The following SDK2 variants were observed in gnomAD, a reference collection of about 807,000 sequenced individuals.
SDK2 encodes the protein sidekick cell adhesion molecule 2.
SDK2 carries 105 observed loss-of-function variants against 253.9 expected under a neutral mutation model. That is an observed-to-expected ratio of 0.41 (90% CI 0.35 to 0.49). SDK2 has a LOEUF of 0.49. Among genes scored for constraint, SDK2 ranks in the 20% least tolerant of loss-of-function variants. The pLI is 0.06. For synonymous variants in SDK2, 1,249 were observed against 1,234.9 expected, an observed-to-expected ratio of 1.01 and a Z score of -0.24; for missense variants, 2,608 against 3,003.0, an observed-to-expected ratio of 0.87 and a Z score of 3.07.
chr17:73,635,462 T>C (rs911199693), intron 1 of SDK2, among the ~76,000 whole-genome samples: 1 of 152,140 alleles, frequency 6.6e-6, no homozygotes, highest in African/African-American at 2.4e-5. Flanking sequence ...TTTTGACCTT[T>C]ACTCAGATTC....
At chr17:73,391,071 T>A (rs139096349) in intron 28 of SDK2, among the ~76,000 whole-genome samples, 1 of 152,312 alleles carries the variant, frequency 6.6e-6, no homozygotes, top group Non-Finnish European at 1.5e-5. Flanking sequence ...ATCTGTAGCC[T>A]CCCTCCTGTG....
At chr17:73,357,218 T>C (rs1000593892) in intron 40 of SDK2, among the ~76,000 whole-genome samples, 1 of 152,254 alleles carries the variant, frequency 6.6e-6, no homozygotes, top group African/African-American at 2.4e-5. Context: ...CTCTCTGCTA[T>C]TGGGATGATT....
chr17:73,366,023 G>A (rs2062681951), intron 37 of SDK2, among the ~76,000 whole-genome samples: 1 of 152,184 alleles, frequency 6.6e-6, no homozygotes, highest in South Asian at 2.1e-4. Flanking sequence ...CCCTGATGGG[G>A]AGGACAGAGG....
Position 73,616,392 on chromosome 17 carries a change from A to AC in SDK2, c.64+27632dup, listed in dbSNP as rs752895502. 6.6e-6 allele frequency among the ~76,000 whole-genome samples: 1 copy of AC among 152,242 alleles called. No homozygotes were observed. ...ATGCAGGCTCAGGAAGGAGAAAAAA[A>AC]CAAGAGGGAAAGAGGCAAGCAACGG... is the stretch of plus-strand genomic sequence containing the variant. On this transcript the variant is annotated intron_variant, in intron 1 of 44. Transcript: ENST00000392650. The surrounding 1 kb of genome is among the most constrained non-coding windows in gnomAD (Gnocchi z 5.2).
At chr17:73,404,986 C>G (rs1262615323) in intron 18 of SDK2, among the ~76,000 whole-genome samples, 2 of 151,690 alleles carry the variant, frequency 1.3e-5, no homozygotes, top group African/African-American at 4.8e-5. Context: ...CGGAAAGTCA[C>G]TTGACCACTC....
At chr17:73,425,359 C>T (rs1169467577) in intron 12 of SDK2, among the ~76,000 whole-genome samples, 1 of 152,210 alleles carries the variant, frequency 6.6e-6, no homozygotes, top group African/African-American at 2.4e-5. Context: ...CCACGATTAA[C>T]ATTTGAATGT....
At chr17:73,621,292 T>C (rs998507784) in intron 1 of SDK2, among the ~76,000 whole-genome samples, 7 of 152,226 alleles carry the variant, frequency 4.6e-5, no homozygotes, top group Non-Finnish European at 1.0e-4. Context: ...TTGAATCAAT[T>C]AAGTTAGTTC....
intron 3 of SDK2, among the ~76,000 whole-genome samples, chr17:73,470,858 C>T (rs943988895): frequency 2.0e-5 from 3 of 152,312 alleles, no homozygotes; most frequent in East Asian, 1.9e-4. Context: ...CACAGTACAA[C>T]GTGGGACTTC....
chr17:73,465,344 T>C lies in SDK2; in HGVS notation c.331+6768A>G, dbSNP rs569715794. Among the ~76,000 whole-genome samples, 1 of 151,750 alleles carries C rather than the reference T, an allele frequency of 6.6e-6. No homozygotes were observed. Among genetic ancestry groups the C allele is most frequent in the South Asian group, 2.1e-4 (1 of 4,796 alleles). ...GTGGGTTTGGTGCTGGAGTGGATGGTTTCAAGTCTGAGTCCCACAGATGAG... is the reference window on the plus strand; with the variant it reads ...GTGGGTTTGGTGCTGGAGTGGATGGCTTCAAGTCTGAGTCCCACAGATGAG... On this transcript the variant is annotated intron_variant, in intron 3 of 44. Coordinates refer to ENST00000392650, the MANE Select transcript of SDK2 (RefSeq NM_001144952.2). The surrounding 1 kb of genome is among the most constrained non-coding windows in gnomAD (Gnocchi z 4.2).
chr17:73,449,602 CTTTT>C (rs33923010), intron 4 of SDK2, among the ~76,000 whole-genome samples: 2,057 of 94,358 alleles, frequency 0.022, 20 homozygotes, highest in Middle Eastern at 0.055. Flanking sequence ...CCCCCCACCT[CTTTT>C]TTTTTTTTTT....
At chr17:73,355,331 C>T (rs763226745) in intron 40 of SDK2, among the ~76,000 whole-genome samples, 1 of 149,972 alleles carries the variant, frequency 6.7e-6, no homozygotes, top group African/African-American at 2.5e-5. Flanking sequence ...GCACCCGCCA[C>T]CACGCCCGGC....
At chr17:73,436,392 C>A (rs2063369009) in intron 8 of SDK2, among the ~76,000 whole-genome samples, 1 of 152,046 alleles carries the variant, frequency 6.6e-6, no homozygotes, top group African/African-American at 2.4e-5. Flanking sequence ...ACCTGACCAA[C>A]ATGGTGAAAC....
At chr17:73,554,023 G>GGA (rs1333353509) in intron 1 of SDK2, among the ~76,000 whole-genome samples, 1 of 152,122 alleles carries the variant, frequency 6.6e-6, no homozygotes, top group Non-Finnish European at 1.5e-5. Context: ...AGGCTCACAG[G>GGA]GAGAGGGGTT....
chr17:73,617,271 A>G (rs1295096706), intron 1 of SDK2, among the ~76,000 whole-genome samples: 1 of 65,224 alleles, frequency 1.5e-5, no homozygotes, highest in Non-Finnish European at 3.2e-5. Flanking sequence ...GGGAGGTGAG[A>G]GGGCTCCAGG....
rs181838472 is a variant in SDK2 at position 73,353,794 on chromosome 17, C to G, written c.5594-1157G>C. Reference sequence around the variant, plus strand: ...TCTCAGCTTACCACAACCTCCGCCTCCCAGGTTCAAGCTATTTTCCTACCT... The same window carrying G: ...TCTCAGCTTACCACAACCTCCGCCTGCCAGGTTCAAGCTATTTTCCTACCT... On this transcript the variant is annotated intron_variant, in intron 40 of 44. Transcript: ENST00000392650. Among the ~76,000 whole-genome samples the G allele has an allele frequency of 4.0e-5, 6 of 150,588 alleles. No individual in the cohort carries two copies. The East Asian group carries it at 1.2e-3, about 30-fold the overall frequency.
Position 73,338,793 on chromosome 17 carries a change from T to G in SDK2, c.6313A>C (p.Ser2105Arg), listed in dbSNP as rs780077660. 6 of 1,613,832 alleles carry G rather than the reference T, an allele frequency of 3.7e-6. No individual in the cohort carries two copies. Among genetic ancestry groups the G allele is most frequent in the Non-Finnish European group, 5.1e-6 (6 of 1,179,858 alleles). ...GTGTGGTCTGGCTCACCCGAGTCGC[T>G]CTCCGTGTAGCTGTAGGCCTGTGCC... The part of the protein sequence containing the change: ...SRAQAYSYTE[S>R]DSGEPDHTTV... Residue 2105 changes from serine to arginine, a missense_variant, in exon 45 of 45, where the codon AGC becomes CGC. This residue lies in a region of SDK2 where 1,103 missense variants were observed against 1,143.9 expected (regional missense o/e 0.96). Transcript: ENST00000392650. This position sits in a 1 kb window ranked among gnomAD's most constrained non-coding sequence, Gnocchi z 5.0.
At chr17:73,630,127 C>G (rs1007066640) in intron 1 of SDK2, among the ~76,000 whole-genome samples, 2 of 152,164 alleles carry the variant, frequency 1.3e-5, no homozygotes, top group Non-Finnish European at 2.9e-5. Context: ...ACCACCATGA[C>G]ACCTAGACTC....
intron 1 of SDK2, among the ~76,000 whole-genome samples, chr17:73,536,148 G>A (rs914602233): frequency 6.6e-6 from 1 of 152,118 alleles, no homozygotes; most frequent in African/African-American, 2.4e-5. Flanking sequence ...GACCACAGAG[G>A]TGCAGGGCCC....
rs112861049 is a variant in SDK2, at chr17:73,567,985, A to G, written c.65-60388T>C. On this transcript the variant is annotated intron_variant, in intron 1 of 44. Coordinates refer to ENST00000392650, the MANE Select transcript of SDK2 (RefSeq NM_001144952.2). ...GACTTTCAAGGACTATTGGAAAAAA[A>G]TGATTATATTTTACAATGTAAAAAT... Among the ~76,000 whole-genome samples the G allele has an allele frequency of 9.1e-3, 1,385 of 152,372 alleles. 15 individuals are homozygous for G. Among genetic ancestry groups the G allele is most frequent in the African/African-American group, 0.031 (1,306 of 41,590 alleles).
Sources: allele counts gnomAD v4.1 joint callset (sites outside exome capture counted in the v4.1 genomes callset), GRCh38; gene constraint gnomAD v4.1.1; regional missense constraint gnomAD v4.1.1; non-coding constraint Gnocchi (gnomAD v3.1); transcripts MANE v1.5; gene names NCBI Gene and HGNC (gene_info 2026-07-23, HGNC 2026-07-21).